REEP1: variants seen among roughly 807,000 people sequenced by gnomAD.
REEP1 encodes receptor expression-enhancing protein 1.
Under a neutral mutation model 40.3 loss-of-function variants are expected in REEP1, and 22 were observed. The observed-to-expected ratio is 0.55, with a 90% confidence interval of 0.39 to 0.78. REEP1 has a LOEUF of 0.78. REEP1 is among the 30% of genes least tolerant of loss of function. The pLI is 0.00. For missense variants in REEP1, 280 were observed against 361.1 expected (o/e 0.78, Z 1.82); for synonymous variants, 116 against 139.2 (o/e 0.83, Z 1.17).
intron 1 of REEP1, among the ~76,000 whole-genome samples, chr2:86,319,493 G>A (rs1026506694): frequency 1.3e-5 from 2 of 152,122 alleles, no homozygotes; most frequent in African/African-American, 4.8e-5. Flanking sequence ...CCAGGAATTC[G>A]AGACCAGCCT....
chr2:86,282,762 T>G (rs1285190520), intron 1 of REEP1, among the ~76,000 whole-genome samples: 1 of 152,198 alleles, frequency 6.6e-6, no homozygotes, highest in East Asian at 1.9e-4. Flanking sequence ...CCATCTTGCA[T>G]TAGCCTGTTT....
intron 1 of REEP1, among the ~76,000 whole-genome samples, chr2:86,330,554 C>T (rs530705040): frequency 6.6e-6 from 1 of 152,070 alleles, no homozygotes; most frequent in South Asian, 2.1e-4. Flanking sequence ...AAGTGATCCT[C>T]CCACCTCATC....
chr2:86,326,432 G>C (rs911879641), intron 1 of REEP1, among the ~76,000 whole-genome samples: 3 of 152,172 alleles, frequency 2.0e-5, no homozygotes, highest in Admixed American at 2.0e-4. Flanking sequence ...TAAAGTTTTG[G>C]TCAGGCATGG....
At chr2:86,282,828 C>A (rs1678172107) in intron 1 of REEP1, among the ~76,000 whole-genome samples, 1 of 152,182 alleles carries the variant, frequency 6.6e-6, no homozygotes, top group Non-Finnish European at 1.5e-5. Flanking sequence ...ACTGTTTGGG[C>A]AGCAGCTCTC....
intron 1 of REEP1, among the ~76,000 whole-genome samples, chr2:86,308,948 T>G (rs1679628683): frequency 6.6e-6 from 1 of 152,192 alleles, no homozygotes; most frequent in Non-Finnish European, 1.5e-5. Context: ...GCCATGTGTC[T>G]GCCACCTCGG....
Position 86,215,513 on chromosome 2 carries a change from T to C in REEP1, c.*1526A>G, listed in dbSNP as rs896373341. ...GTATATAACACTAATTCTCTAGTCT[T>C]CTGGGCATATCTACGAACAAATACA... On this transcript the variant is annotated 3_prime_UTR_variant, in exon 9 of 9. Transcript: ENST00000538924. 9.2e-5 allele frequency: 14 copies of C among 152,628 alleles called. No individual in the cohort carries two copies. The highest frequency in any genetic ancestry group is 1.9e-4 in the Non-Finnish European group (13 of 68,038). The allele number at this position is 152,628 out of a possible 1,614,324, so 9.5% of individuals were successfully genotyped here. A position where few individuals can be genotyped will look rare whatever the true frequency, so the allele number is the denominator to read the frequency against.
chr2:86,237,850 C>CA (rs952080960), intron 5 of REEP1, among the ~76,000 whole-genome samples: 10 of 151,230 alleles, frequency 6.6e-5, no homozygotes, highest in South Asian at 2.1e-4. Flanking sequence ...ATAAAAGTGA[C>CA]AAAAAAAAGA....
At chr2:86,332,529 A>C (rs955780976) in intron 1 of REEP1, among the ~76,000 whole-genome samples, 1 of 151,792 alleles carries the variant, frequency 6.6e-6, no homozygotes. Context: ...TAAATGGCCA[A>C]AGAGGACCTG....
At chr2:86,310,893 A>G (rs994949820) in intron 1 of REEP1, among the ~76,000 whole-genome samples, 1 of 152,242 alleles carries the variant, frequency 6.6e-6, no homozygotes, top group Non-Finnish European at 1.5e-5. Context: ...GAGTTAAGAA[A>G]TACAAAAACA....
intron 1 of REEP1, among the ~76,000 whole-genome samples, chr2:86,294,069 A>G (rs1355196974): frequency 6.6e-6 from 1 of 152,230 alleles, no homozygotes; most frequent in Non-Finnish European, 1.5e-5. Context: ...GGACTACTCT[A>G]GATAACTCAA....
At chr2:86,302,294 C>T (rs979836917) in intron 1 of REEP1, among the ~76,000 whole-genome samples, 3 of 152,216 alleles carry the variant, frequency 2.0e-5, no homozygotes, top group Non-Finnish European at 4.4e-5. Context: ...TACAACCTGG[C>T]TCCTATCACA....
chr2:86,280,167 A>G (rs1344704256), intron 2 of REEP1: 5 of 398,586 alleles, frequency 1.3e-5, no homozygotes, highest in Non-Finnish European at 2.5e-5. Context: ...CAGGAAGGAA[A>G]CACAGGAGTG....
chr2:86,248,417 TTTTA>T (rs1265763530), intron 5 of REEP1, among the ~76,000 whole-genome samples: 12 of 151,936 alleles, frequency 7.9e-5, no homozygotes, highest in East Asian at 3.9e-4. Context: ...GCCTAGTTTA[TTTTA>T]TTTATTTATT....
intron 1 of REEP1, among the ~76,000 whole-genome samples, chr2:86,291,783 C>G (rs1353269172): frequency 1.3e-5 from 2 of 152,198 alleles, no homozygotes. Context: ...CATGAAGAGG[C>G]AGTTGCATTA....
intron 1 of REEP1, among the ~76,000 whole-genome samples, chr2:86,334,726 T>G (rs765793142): frequency 6.6e-6 from 1 of 152,162 alleles, no homozygotes; most frequent in Non-Finnish European, 1.5e-5. Flanking sequence ...CCAGAGCCCA[T>G]CTGCTCAGGC....
At chr2:86,292,518 T>G (rs1403408044) in intron 1 of REEP1, among the ~76,000 whole-genome samples, 1 of 152,138 alleles carries the variant, frequency 6.6e-6, no homozygotes, top group African/African-American at 2.4e-5. Flanking sequence ...AGAGAGAAGA[T>G]TCACTTACAA....
intron 4 of REEP1, 67 bp downstream of exon 4, chr2:86,254,627 C>T: frequency 2.6e-6 from 4 of 1,527,970 alleles, no homozygotes; most frequent in South Asian, 1.1e-5. Flanking sequence ...ATAAGATCAT[C>T]CCTTTTTATT....
chr2:86,296,825 C>A (rs979038977), intron 1 of REEP1, among the ~76,000 whole-genome samples: 40 of 152,142 alleles, frequency 2.6e-4, no homozygotes, highest in African/African-American at 9.7e-4. Context: ...CCACTGCACT[C>A]CAGCCTGTGC....
chr2:86,226,695 C>T (rs1674728309), intron 7 of REEP1, among the ~76,000 whole-genome samples: 1 of 150,642 alleles, frequency 6.6e-6, no homozygotes, highest in East Asian at 2.0e-4. Context: ...GTCTCGAACT[C>T]CTGGGCTCAA....
Sources: gnomAD v4.1 joint callset for allele counts (sites outside exome capture counted in the v4.1 genomes callset) on GRCh38, gnomAD v4.1.1 for gene constraint, MANE v1.5 for transcripts, NCBI Gene and HGNC (gene_info 2026-07-23, HGNC 2026-07-21) for gene names.